CASP5: variants seen among roughly 807,000 people sequenced by gnomAD.
The protein encoded by CASP5 is caspase-5.
Under a neutral mutation model 45.2 loss-of-function variants are expected in CASP5, and 42 were observed. The ratio of observed to expected loss-of-function variants is 0.93; its 90% confidence interval spans 0.73 to 1.20. The LOEUF is 1.20. Ranked by LOEUF, CASP5 falls within the 50% of genes most tolerant of loss-of-function variation. The pLI, the probability that CASP5 is intolerant of heterozygous loss-of-function variation, is 0.00. For synonymous variants in CASP5, 209 were observed against 186.2 expected (o/e 1.12, Z -1.00); for missense variants, 512 against 532.2 (o/e 0.96, Z 0.37).
intron 1 of CASP5, among the ~76,000 whole-genome samples, chr11:105,017,250 C>T (rs1235211436): frequency 1.4e-4 from 21 of 152,198 alleles, no homozygotes; most frequent in Admixed American, 1.3e-3. Flanking sequence ...AGCAGAGCGA[C>T]TCTCCTCCTC....
chr11:105,003,251 A>G, intron 4 of CASP5, 23 bp downstream of exon 4: 1 of 1,340,252 alleles, frequency 7.5e-7, no homozygotes, highest in Non-Finnish European at 1.1e-6. Flanking sequence ...CTTCTTCCCC[A>G]TTTCATACAG....
rs1323038010 is a variant in CASP5, at chr11:105,000,355, C to T, written c.858G>A (p.Leu286=). 1 of 1,614,196 alleles carries T rather than the reference C, an allele frequency of 6.2e-7. No homozygotes were observed. Among genetic ancestry groups the T allele is most frequent in the Non-Finnish European group, 8.5e-7 (1 of 1,180,024 alleles). Reference sequence around the variant, plus strand: ...ATATCTGGAAGATGGTGTCATAAAGCAGCACATCCGGTTTTTTCTTTTTAT... The same window carrying T: ...ATATCTGGAAGATGGTGTCATAAAGTAGCACATCCGGTTTTTTCTTTTTAT... ...TAHKKKKPDV[L]LYDTIFQIFN... The change falls in exon 6 of 10, where the codon CTG becomes CTA. Residue 286 remains leucine, a synonymous_variant. Coordinates refer to ENST00000260315, the MANE Select transcript of CASP5 (RefSeq NM_004347.5).
Position 105,008,827 on chromosome 11 carries a change from T to C in CASP5, c.161A>G (p.Gln54Arg). The change falls in exon 2 of 10, where the codon CAA becomes CGA. Residue 54 changes from glutamine (Q) to arginine (R), a missense_variant. Physicochemically the swap from Gln to Arg is conservative, Grantham distance 43 (BLOSUM62 1). Transcript: ENST00000260315. ...SIQTLVPNTDQKSTSVKKDNH... is the reference protein window; with the variant it reads ...SIQTLVPNTDRKSTSVKKDNH... ...CTTACTTTTTACACTGGTCGACTTT[T>C]GATCCGTATTAGGTACTAGGGTCTG... 6.2e-7 allele frequency: 1 copy of C among 1,608,748 alleles called. No homozygotes were observed. Among genetic ancestry groups the C allele is most frequent in the South Asian group, 1.1e-5 (1 of 89,778 alleles).
Position 104,998,906 on chromosome 11 carries a change from C to A in CASP5, c.1075G>T (p.Ala359Ser). The A allele has an allele frequency of 6.2e-7, 1 of 1,613,604 alleles. No homozygotes were observed. Among genetic ancestry groups the A allele is most frequent in the Non-Finnish European group, 8.5e-7 (1 of 1,179,798 alleles). Reference sequence around the variant, plus strand: ...ATACGTGGTGTTGAAGAACAGAAAGCAATGAAGTCCTTCTCCTCGTGGATC... The same window carrying A: ...ATACGTGGTGTTGAAGAACAGAAAGAAATGAAGTCCTTCTCCTCGTGGATC... The part of the protein sequence containing the change: ...CKIHEEKDFI[A>S]FCSSTPHNVS... Residue 359 changes from alanine to serine, a missense_variant, in exon 7 of 10, where the codon GCT (alanine) becomes TCT (serine). Ala to Ser is a moderately conservative substitution (Grantham distance 99). Coordinates refer to ENST00000260315, the MANE Select transcript of CASP5 (RefSeq NM_004347.5).
chr11:104,999,154 GT>G, intron 6 of CASP5, 126 bp from the exon 7 acceptor site: 1 of 759,424 alleles, frequency 1.3e-6, no homozygotes, highest in Non-Finnish European at 2.0e-6. Flanking sequence ...TATCATATAG[GT>G]TTTAAGCCCA....
chr11:105,009,303 C>T (rs7949352), intron 1 of CASP5, among the ~76,000 whole-genome samples: 8,470 of 151,848 alleles, frequency 0.056, 718 homozygotes, highest in African/African-American at 0.19. Context: ...CTCATGATGA[C>T]CTACCTGAAG....
chr11:104,999,960 T>A (rs1861644533), intron 6 of CASP5, among the ~76,000 whole-genome samples: 1 of 152,214 alleles, frequency 6.6e-6, no homozygotes, highest in Admixed American at 6.5e-5. Context: ...AATCAAGCTA[T>A]CATGTAAATG....
At chr11:104,995,961 C>T (rs2134686071) in intron 8 of CASP5, 119 bp from the exon 9 acceptor site, 1 of 622,952 alleles carries the variant, frequency 1.6e-6, no homozygotes, top group South Asian at 2.0e-5. Flanking sequence ...GGACCAAGCC[C>T]ATGGATATTC....
intron 2 of CASP5, among the ~76,000 whole-genome samples, chr11:105,008,477 A>C (rs1364243158): frequency 6.6e-6 from 1 of 152,080 alleles, no homozygotes; most frequent in Non-Finnish European, 1.5e-5. Context: ...ATTAGGGAGC[A>C]AGAGAGGTTA....
At position 105,003,367 on chromosome 11, in the gene CASP5, C is replaced by T. The variant is rs760673296; in HGVS notation, c.450G>A (p.Glu150=). The stretch of plus-strand genomic sequence containing the variant: ...ATTCTGCTGACTCAGGTGGTCCAGC[C>T]TCGATTTGCAGAAGAGCTGTGGGAT... ...ITSVKPLLQI[E]AGPPESAEST... The change falls in exon 4 of 10, where the codon GAG becomes GAA. Residue 150 remains glutamate (E), a synonymous_variant. Coordinates refer to ENST00000260315, the MANE Select transcript of CASP5 (RefSeq NM_004347.5). 29 of 1,596,732 alleles carry T rather than the reference C, an allele frequency of 1.8e-5. No homozygotes were observed. In the South Asian group the frequency reaches 2.8e-4, roughly 15 times the overall value.
chr11:105,015,684 A>C (rs1310099018), intron 1 of CASP5, among the ~76,000 whole-genome samples: 1 of 152,032 alleles, frequency 6.6e-6, no homozygotes, highest in Non-Finnish European at 1.5e-5. Flanking sequence ...CCGGCCAAAG[A>C]GGCAGCCATG....
intron 1 of CASP5, among the ~76,000 whole-genome samples, chr11:105,009,667 G>A (rs1862172156): frequency 7.2e-6 from 1 of 139,366 alleles, no homozygotes; most frequent in Admixed American, 7.6e-5. Flanking sequence ...CTGAGTTAAT[G>A]TATTACTCCT....
At chr11:105,017,742 A>T (rs968662450) in intron 1 of CASP5, among the ~76,000 whole-genome samples, 3 of 152,174 alleles carry the variant, frequency 2.0e-5, no homozygotes, top group African/African-American at 7.2e-5. Context: ...GCAGGATATT[A>T]TCCAGGAGAA....
chr11:105,017,182 G>A (rs1862661297), intron 1 of CASP5, among the ~76,000 whole-genome samples: 1 of 151,968 alleles, frequency 6.6e-6, no homozygotes, highest in Admixed American at 6.5e-5. Context: ...AAGACCAAAA[G>A]TAGAAAAAAC....
intron 1 of CASP5, among the ~76,000 whole-genome samples, chr11:105,014,407 T>C (rs1862489620): frequency 6.6e-6 from 1 of 152,168 alleles, no homozygotes; most frequent in Admixed American, 6.5e-5. Flanking sequence ...TTACCTTTAA[T>C]TGTGATTTCC....
At chr11:105,016,506 G>T (rs1862604832) in intron 1 of CASP5, among the ~76,000 whole-genome samples, 1 of 152,218 alleles carries the variant, frequency 6.6e-6, no homozygotes, top group African/African-American at 2.4e-5. Context: ...GAAGCGCAAG[G>T]GGTCAGGGAG....
In CASP5 at chr11:105,003,179, A is replaced by C. The variant is rs566824139; in HGVS notation, c.543+95T>G. 1.3e-4 allele frequency: 108 copies of C among 804,812 alleles called. 1 individual carries two copies. In the East Asian group the frequency reaches 2.2e-3, roughly 16 times the overall value. 49.9% of individuals were successfully genotyped at this position (804,812 alleles called of 1,614,324 possible). On this transcript the variant is annotated intron_variant, in intron 4 of 9. Coordinates refer to ENST00000260315, the MANE Select transcript of CASP5 (RefSeq NM_004347.5). ...CACACCACAGCACTCCAGGCTGGGC[A>C]ACAGAGCAAGACCCCATTTTTAAAA...
chr11:105,013,131 T>A (rs547351), intron 1 of CASP5, among the ~76,000 whole-genome samples: 23,122 of 151,896 alleles, frequency 0.15, 2,026 homozygotes, highest in Admixed American at 0.25. Context: ...TTGATTAACA[T>A]GGATAACATT....
At chr11:105,022,097 G>A (rs1400390218) in intron 1 of CASP5, among the ~76,000 whole-genome samples, 1 of 149,030 alleles carries the variant, frequency 6.7e-6, no homozygotes, top group East Asian at 2.0e-4. Flanking sequence ...ACTCATAGGT[G>A]GGAACTGAAC....
Sources: allele counts gnomAD v4.1 joint callset (sites outside exome capture counted in the v4.1 genomes callset), GRCh38; gene constraint gnomAD v4.1.1; transcripts MANE v1.5; gene names NCBI Gene and HGNC (gene_info 2026-07-23, HGNC 2026-07-21).